Variants in VWA5B1 observed in about 807,000 individuals in gnomAD.
VWA5B1 encodes the protein von Willebrand factor A domain-containing protein 5B1.
In VWA5B1, 115 loss-of-function variants were observed where a neutral mutation model predicts 118.2. The observed-to-expected ratio is 0.97, with a 90% CI of 0.84 to 1.14. The LOEUF (loss-of-function observed/expected upper bound fraction) is 1.14, where lower values mean the gene tolerates loss of function less well. Among genes scored for constraint, VWA5B1 ranks in the 50% most tolerant of loss-of-function variants. The probability of loss-of-function intolerance (pLI) is 0.00; values close to 1 mark genes in which losing one functional copy is unlikely to be tolerated. For synonymous variants in VWA5B1, 682 were observed against 658.4 expected (o/e 1.04, Z -0.55); for missense variants, 1,596 against 1,603.8 (o/e 1.00, Z 0.08).
intron 1 of VWA5B1, among the ~76,000 whole-genome samples, chr1:20,296,824 G>C (rs2088414911): frequency 6.6e-6 from 1 of 152,194 alleles, no homozygotes; most frequent in Admixed American, 6.5e-5. Flanking sequence ...TTCACTTACA[G>C]TGGGCTTTTT....
At chr1:20,326,411 C>G (rs1355672731) in intron 8 of VWA5B1, among the ~76,000 whole-genome samples, 1 of 152,152 alleles carries the variant, frequency 6.6e-6, no homozygotes, top group Non-Finnish European at 1.5e-5. Context: ...ACCTTCATTC[C>G]TCTGCCAAGG....
At chr1:20,334,353 C>T (rs577477779) in intron 12 of VWA5B1, among the ~76,000 whole-genome samples, 3 of 152,166 alleles carry the variant, frequency 2.0e-5, no homozygotes, top group Non-Finnish European at 4.4e-5. Context: ...GACCCTCCCA[C>T]TAGAAGGGAC....
chr1:20,332,716 C>A, intron 11 of VWA5B1, 50 bp from the exon 12 acceptor site: 1 of 1,534,514 alleles, frequency 6.5e-7, no homozygotes, highest in Non-Finnish European at 8.8e-7. Context: ...ATCTTCTGTA[C>A]ACATCTCTTC....
At chr1:20,302,379 T>C (rs1187952423) in intron 1 of VWA5B1, among the ~76,000 whole-genome samples, 1 of 152,106 alleles carries the variant, frequency 6.6e-6, no homozygotes, top group Non-Finnish European at 1.5e-5. Flanking sequence ...CCATGACACA[T>C]TTCATTCTAT....
intron 8 of VWA5B1, 86 bp from the exon 9 acceptor site, chr1:20,327,804 G>A: frequency 8.6e-7 from 1 of 1,159,314 alleles, no homozygotes; most frequent in South Asian, 1.3e-5. Context: ...GGCTGCTCGT[G>A]TGCTGGGAAA....
chr1:20,334,016 G>A (rs1425286967), intron 12 of VWA5B1, among the ~76,000 whole-genome samples: 6 of 152,212 alleles, frequency 3.9e-5, no homozygotes, highest in East Asian at 1.9e-4. Context: ...AATAGGGAGC[G>A]GTGAGGAATA....
intron 7 of VWA5B1, among the ~76,000 whole-genome samples, chr1:20,321,080 C>T (rs1283449882): frequency 1.6e-5 from 2 of 127,252 alleles, no homozygotes; most frequent in African/African-American, 3.1e-5. Context: ...GCACACCACG[C>T]GTGAGACACA....
At chr1:20,326,728 C>T (rs1046660767) in intron 8 of VWA5B1, among the ~76,000 whole-genome samples, 2 of 151,814 alleles carry the variant, frequency 1.3e-5, no homozygotes, top group African/African-American at 4.9e-5. Flanking sequence ...GGATTACAAG[C>T]GTGAGTTACC....
intron 15 of VWA5B1, 110 bp downstream of exon 15, chr1:20,342,719 G>GCC: frequency 7.5e-7 from 1 of 1,325,422 alleles, no homozygotes; most frequent in South Asian, 1.6e-5. Context: ...CTGTCCCCTT[G>GCC]TGGTCTGCTG....
At chr1:20,323,608 C>A in intron 8 of VWA5B1, 76 bp downstream of exon 8, 1 of 1,275,668 alleles carries the variant, frequency 7.8e-7, no homozygotes, top group Non-Finnish European at 1.0e-6. Context: ...ATCCAGCTTC[C>A]TCAGCACTTT....
chr1:20,343,897 C>T (rs1193668969), intron 16 of VWA5B1, among the ~76,000 whole-genome samples: 1 of 114,656 alleles, frequency 8.7e-6, no homozygotes, highest in African/African-American at 3.7e-5. Context: ...CCATTCTGCT[C>T]AGTGCCTGGG....
intron 1 of VWA5B1, among the ~76,000 whole-genome samples, chr1:20,306,342 G>A (rs765860152): frequency 6.6e-6 from 1 of 152,000 alleles, no homozygotes; most frequent in Non-Finnish European, 1.5e-5. Context: ...ATCAATGGGG[G>A]CTTGAGGGAC....
At chr1:20,317,426 T>C in intron 4 of VWA5B1, 104 bp from the exon 5 acceptor site, 1 of 1,445,008 alleles carries the variant, frequency 6.9e-7, no homozygotes, top group Non-Finnish European at 9.2e-7. Context: ...GCCCCCTTGG[T>C]GGGCTGGGCT....
At chr1:20,310,764 C>A in intron 2 of VWA5B1, 24 bp downstream of exon 2, 2 of 1,513,994 alleles carry the variant, frequency 1.3e-6, no homozygotes, top group Non-Finnish European at 1.8e-6. Context: ...CTGGGGCCTC[C>A]CCGGGACCAC....
At chr1:20,296,195 T>C (rs2088403650) in intron 1 of VWA5B1, among the ~76,000 whole-genome samples, 1 of 152,176 alleles carries the variant, frequency 6.6e-6, no homozygotes, top group Non-Finnish European at 1.5e-5. Context: ...GTCACCCTAA[T>C]AGAGAACATG....
At chr1:20,336,013 G>C (rs761264194) in intron 12 of VWA5B1, among the ~76,000 whole-genome samples, 2 of 152,056 alleles carry the variant, frequency 1.3e-5, no homozygotes, top group African/African-American at 4.8e-5. Context: ...TGGTAATTTC[G>C]GTTACCTATT....
intron 21 of VWA5B1, among the ~76,000 whole-genome samples, chr1:20,352,668 AG>A (rs1328929498): frequency 6.6e-6 from 1 of 152,194 alleles, no homozygotes; most frequent in African/African-American, 2.4e-5. Flanking sequence ...TTAAGGAGCA[AG>A]GGAGACTGGC....
At chr1:20,347,771 T>C (rs1456012653) in intron 17 of VWA5B1, among the ~76,000 whole-genome samples, 1 of 152,100 alleles carries the variant, frequency 6.6e-6, no homozygotes, top group Admixed American at 6.6e-5. Context: ...CCCAGGGTGC[T>C]GTAACTTCAT....
intron 2 of VWA5B1, among the ~76,000 whole-genome samples, chr1:20,312,582 C>A (rs1268021018): frequency 6.6e-6 from 1 of 152,208 alleles, no homozygotes; most frequent in Non-Finnish European, 1.5e-5. Context: ...TTTTCACTCT[C>A]TTGGAAAATC....
Sources: allele counts gnomAD v4.1 joint callset (sites outside exome capture counted in the v4.1 genomes callset), GRCh38; gene constraint gnomAD v4.1.1; transcripts MANE v1.5; gene names NCBI Gene and HGNC (gene_info 2026-07-23, HGNC 2026-07-21).